RBPJ: variants seen among roughly 807,000 people sequenced by gnomAD.
RBPJ encodes the protein recombination signal binding protein for immunoglobulin kappa J region.
In RBPJ, 9 loss-of-function variants were observed where a neutral mutation model predicts 67.8. The observed-to-expected ratio is 0.13, with a 90% CI of 0.08 to 0.23. The LOEUF (loss-of-function observed/expected upper bound fraction) is 0.23. RBPJ is among the 10% of genes least tolerant of loss of function. The pLI is 1.00. For synonymous variants in RBPJ, 198 were observed against 203.3 expected (o/e 0.97, Z 0.22); for missense variants, 305 against 595.6 (o/e 0.51, Z 5.08).
At chr4:26,394,122 G>A (rs914703036) in intron 2 of RBPJ, among the ~76,000 whole-genome samples, 10 of 151,554 alleles carry the variant, frequency 6.6e-5, no homozygotes, top group African/African-American at 2.4e-4. Flanking sequence ...GGCTTCCCGG[G>A]TTCGCGCCAT....
At chr4:26,343,753 T>A (rs1220040804) in intron 1 of RBPJ, among the ~76,000 whole-genome samples, 1 of 137,366 alleles carries the variant, frequency 7.3e-6, no homozygotes, top group South Asian at 2.5e-4. Context: ...TTTTTTTTTT[T>A]TTTTTTTTTT....
chr4:26,331,899 CATACAGAGAAGAGAGG>C (rs1265227501), intron 1 of RBPJ, among the ~76,000 whole-genome samples: 1 of 152,184 alleles, frequency 6.6e-6, no homozygotes, highest in Admixed American at 6.5e-5. Context: ...AGAAGGCTGT[CATACAGAGAAGAGAGG>C]CTACAACTTG....
chr4:26,269,239 ATTATTTAT>A (rs372091669), intron 1 of RBPJ, among the ~76,000 whole-genome samples: 2,614 of 148,940 alleles, frequency 0.018, 26 homozygotes, highest in East Asian at 0.031. Context: ...TTTATTTTTT[ATTATTTAT>A]TTATTTATTT....
intron 1 of RBPJ, among the ~76,000 whole-genome samples, chr4:26,313,212 C>A (rs557481531): frequency 6.6e-6 from 1 of 152,148 alleles, no homozygotes; most frequent in Admixed American, 6.5e-5. Context: ...CATGAGCCAC[C>A]AAGCCGGAAC....
chr4:26,314,462 TG>T (rs1282923498), intron 1 of RBPJ, among the ~76,000 whole-genome samples: 1 of 152,188 alleles, frequency 6.6e-6, no homozygotes, highest in Admixed American at 6.5e-5. Flanking sequence ...TAGGTCAAAT[TG>T]TAACTCCCAG....
chr4:26,430,218 G>A lies in RBPJ; in HGVS notation c.1044+165G>A, dbSNP rs939256418. 47 of 918,618 alleles carry A rather than the reference G, an allele frequency of 5.1e-5. No individual in the cohort carries two copies. In the African/African-American group the frequency reaches 7.2e-4, roughly 14 times the overall value. The allele number at this position is 918,618 out of a possible 1,614,324, so 56.9% of individuals were successfully genotyped here. A position where few individuals can be genotyped will look rare whatever the true frequency, so the allele number is the denominator to read the frequency against. On this transcript the variant is annotated intron_variant, in intron 9 of 10. Coordinates refer to ENST00000355476, the MANE Select transcript of RBPJ (RefSeq NM_015874.6). The surrounding 1 kb of genome is among the most constrained non-coding windows in gnomAD (Gnocchi z 4.1). Reference sequence around the variant, plus strand: ...TTTAAAGAAAAAAAAACAAAATTAGGAGGAGCGTACTTGCCAGAAAATTTA... The same window carrying A: ...TTTAAAGAAAAAAAAACAAAATTAGAAGGAGCGTACTTGCCAGAAAATTTA...
chr4:26,316,822 G>C (rs1348398306), upstream of RBPJ, among the ~76,000 whole-genome samples: 4 of 87,032 alleles, frequency 4.6e-5, no homozygotes, highest in African/African-American at 1.3e-4. Context: ...GTCTAACCCA[G>C]ACGACTTTTT....
intron 1 of RBPJ, among the ~76,000 whole-genome samples, chr4:26,244,157 G>GTGTC (rs1560225775): frequency 4.8e-5 from 7 of 146,962 alleles, no homozygotes; most frequent in East Asian, 2.0e-4. Flanking sequence ...ACACATATAT[G>GTGTC]TATATATATA....
At chr4:26,191,317 TTA>T (rs2109141663) in intron 1 of RBPJ, among the ~76,000 whole-genome samples, 1 of 149,222 alleles carries the variant, frequency 6.7e-6, no homozygotes, top group South Asian at 2.1e-4. Context: ...TTTGATTTTT[TTA>T]TATATATACA....
the RBPJ span, among the ~76,000 whole-genome samples, chr4:26,150,028 G>A: frequency 3.7e-4 from 57 of 152,284 alleles, no homozygotes; most frequent in African/African-American, 1.3e-3. Flanking sequence ...TACCTCTGAT[G>A]TTATCACTGC....
intron 2 of RBPJ, among the ~76,000 whole-genome samples, chr4:26,397,860 C>G (rs1156721594): frequency 6.6e-6 from 1 of 152,164 alleles, no homozygotes; most frequent in Non-Finnish European, 1.5e-5. Context: ...GTCTCAATCT[C>G]CTGACCTTGT....
At chr4:26,426,913 C>G (rs1422409933) in intron 7 of RBPJ, among the ~76,000 whole-genome samples, 1 of 152,142 alleles carries the variant, frequency 6.6e-6, no homozygotes, top group Non-Finnish European at 1.5e-5. Context: ...GGATCCCTCT[C>G]TGTATCTAGG....
At chr4:26,250,716 G>C (rs1284695747) in intron 1 of RBPJ, among the ~76,000 whole-genome samples, 1 of 152,164 alleles carries the variant, frequency 6.6e-6, no homozygotes, top group Non-Finnish European at 1.5e-5. Flanking sequence ...CACTTAGGTT[G>C]TTTCTACCTT....
intron 2 of RBPJ, among the ~76,000 whole-genome samples, chr4:26,402,810 C>A (rs1332822385): frequency 2.6e-5 from 4 of 152,186 alleles, no homozygotes; most frequent in Admixed American, 2.6e-4. Context: ...ACCTTTTCAG[C>A]CCAGACCTCT....
intron 1 of RBPJ, among the ~76,000 whole-genome samples, chr4:26,215,154 G>A (rs1718643475): frequency 7.4e-6 from 1 of 134,742 alleles, no homozygotes; most frequent in Non-Finnish European, 1.6e-5. Context: ...TGGAGGGAGG[G>A]AGAGAAGGAG....
intron 4 of RBPJ, among the ~76,000 whole-genome samples, chr4:26,416,250 A>G (rs542913409): frequency 6.6e-6 from 1 of 152,200 alleles, no homozygotes; most frequent in African/African-American, 2.4e-5. Context: ...GAAAGCAGTC[A>G]ATCTAGATCT....
At chr4:26,227,774 C>CA (rs1256726771) in intron 1 of RBPJ, among the ~76,000 whole-genome samples, 1 of 152,200 alleles carries the variant, frequency 6.6e-6, no homozygotes, top group African/African-American at 2.4e-5. Flanking sequence ...AGTCGCGGAG[C>CA]GTCCGAGTGC....
upstream of RBPJ, chr4:26,319,970 G>T: frequency 2.4e-6 from 3 of 1,266,312 alleles, no homozygotes; most frequent in Admixed American, 6.9e-5. Context: ...GGGCTTCCGG[G>T]ATCAGGCCGC....
chr4:26,374,687 G>A (rs192835099), intron 1 of RBPJ, among the ~76,000 whole-genome samples: 1 of 152,108 alleles, frequency 6.6e-6, no homozygotes, highest in African/African-American at 2.4e-5. Flanking sequence ...TGTTGGCCAG[G>A]ATGGTGTTGA....
Sources: allele counts gnomAD v4.1 joint callset (sites outside exome capture counted in the v4.1 genomes callset), GRCh38; gene constraint gnomAD v4.1.1; non-coding constraint Gnocchi (gnomAD v3.1); transcripts MANE v1.5; gene names NCBI Gene and HGNC (gene_info 2026-07-23, HGNC 2026-07-21).